Variants in EFCAB11 observed in about 807,000 individuals in gnomAD.
EFCAB11 encodes the protein EF-hand calcium binding domain 11.
EFCAB11 carries 14 observed loss-of-function variants against 23.0 expected under a neutral mutation model. The ratio of observed to expected loss-of-function variants is 0.61; its 90% CI spans 0.40 to 0.95. The LOEUF (loss-of-function observed/expected upper bound fraction) is 0.95, where lower values mean the gene tolerates loss of function less well. Ranked by LOEUF, EFCAB11 falls within the 40% of genes least tolerant of loss-of-function variation. The pLI, the probability that EFCAB11 is intolerant of heterozygous loss-of-function variation, is 0.00. For synonymous variants in EFCAB11, 65 were observed against 66.6 expected (o/e 0.98, Z 0.11); for missense variants, 198 against 195.8 (o/e 1.01, Z -0.07).
rs1887246648 is a variant in EFCAB11 at position 89,841,076 on chromosome 14, T to A, written c.411-43752A>T. Among the ~76,000 whole-genome samples, 3 of 152,298 alleles carry A rather than the reference T, an allele frequency of 2.0e-5. No homozygotes were observed. In the South Asian group the frequency reaches 6.2e-4, roughly 32 times the overall value. On this transcript the variant is annotated intron_variant, in intron 5 of 5. Coordinates refer to ENST00000316738, the MANE Select transcript of EFCAB11 (RefSeq NM_145231.4). ...CTGCCTTGTGCTTTTTCTCCTTTAA[T>A]CTAAATTCCTACTACTTTCCTCCTC...
intron 5 of EFCAB11, chr14:89,799,106 C>T (rs750613778): frequency 6.6e-6 from 1 of 152,082 alleles, no homozygotes; most frequent in Non-Finnish European, 1.5e-5. Flanking sequence ...GTATTAACTC[C>T]TAATTTTTCT....
At chr14:89,917,855 G>C (rs1889900324) in intron 5 of EFCAB11, among the ~76,000 whole-genome samples, 1 of 152,216 alleles carries the variant, frequency 6.6e-6, no homozygotes, top group Non-Finnish European at 1.5e-5. Flanking sequence ...CGTTGATGTG[G>C]AGAGTCACTG....
At chr14:89,839,904 C>T (rs1339564092) in intron 5 of EFCAB11, among the ~76,000 whole-genome samples, 1 of 152,128 alleles carries the variant, frequency 6.6e-6, no homozygotes, top group East Asian at 1.9e-4. Context: ...TAGAAACCGC[C>T]CCCATGAACC....
chr14:89,904,114 C>T (rs997578444), intron 5 of EFCAB11, among the ~76,000 whole-genome samples: 4 of 152,072 alleles, frequency 2.6e-5, no homozygotes, highest in African/African-American at 9.7e-5. Flanking sequence ...TATCCTAATG[C>T]TATCCCTCCC....
chr14:89,852,440 G>A (rs1032287919), intron 5 of EFCAB11, among the ~76,000 whole-genome samples: 6 of 152,110 alleles, frequency 3.9e-5, no homozygotes, highest in African/African-American at 7.2e-5. Context: ...CGCCTTGTTC[G>A]AGGTTATGCC....
At chr14:89,885,882 C>CT (rs149131993) in intron 5 of EFCAB11, among the ~76,000 whole-genome samples, 41,149 of 143,854 alleles carry the variant, frequency 0.29, 7,002 homozygotes, top group Non-Finnish European at 0.4. Context: ...TTGTTTTTTT[C>CT]TTTTTTTTTC....
At chr14:89,902,393 C>G (rs1889368848) in intron 5 of EFCAB11, among the ~76,000 whole-genome samples, 2 of 152,176 alleles carry the variant, frequency 1.3e-5, no homozygotes, top group African/African-American at 2.4e-5. Flanking sequence ...TATCTGTCTT[C>G]TCCCAAGGAA....
At chr14:89,929,057 A>T (rs1177577422) in intron 5 of EFCAB11, among the ~76,000 whole-genome samples, 1 of 111,472 alleles carries the variant, frequency 9.0e-6, no homozygotes, top group Non-Finnish European at 1.8e-5. Flanking sequence ...ACACACACAT[A>T]TTTTTTTTTA....
chr14:89,911,891 A>G (rs1398458505), intron 5 of EFCAB11, among the ~76,000 whole-genome samples: 1 of 152,206 alleles, frequency 6.6e-6, no homozygotes, highest in Non-Finnish European at 1.5e-5. Flanking sequence ...CACAGGGCTG[A>G]GCAATTTGCA....
At chr14:89,928,319 A>C (rs1329214054) in intron 5 of EFCAB11, among the ~76,000 whole-genome samples, 1 of 152,144 alleles carries the variant, frequency 6.6e-6, no homozygotes, top group Non-Finnish European at 1.5e-5. Context: ...ATTAATGGCA[A>C]ATAACTTTCT....
intron 5 of EFCAB11, among the ~76,000 whole-genome samples, chr14:89,852,326 T>C (rs905847443): frequency 6.6e-6 from 1 of 152,232 alleles, no homozygotes; most frequent in Non-Finnish European, 1.5e-5. Flanking sequence ...CACACTGTTG[T>C]GGATGCTGTA....
intron 5 of EFCAB11, among the ~76,000 whole-genome samples, chr14:89,826,095 A>G (rs1001370380): frequency 1.3e-5 from 2 of 152,160 alleles, no homozygotes; most frequent in African/African-American, 4.8e-5. Context: ...TCATATACAT[A>G]TATATGTAAG....
intron 2 of EFCAB11, among the ~76,000 whole-genome samples, 171 bp from the exon 3 acceptor site, chr14:89,950,313 T>C (rs1423072199): frequency 6.6e-6 from 1 of 152,172 alleles, no homozygotes; most frequent in East Asian, 1.9e-4. Flanking sequence ...TATTTTTCCA[T>C]CAACATCTAT....
intron 3 of EFCAB11, among the ~76,000 whole-genome samples, chr14:89,939,978 C>T (rs2139826215): frequency 6.6e-6 from 1 of 152,304 alleles, no homozygotes; most frequent in African/African-American, 2.4e-5. Flanking sequence ...ACCTCGTGAT[C>T]CACCTTCCTC....
intron 5 of EFCAB11, among the ~76,000 whole-genome samples, chr14:89,845,976 A>G (rs1887418726): frequency 6.6e-6 from 1 of 152,114 alleles, no homozygotes; most frequent in South Asian, 2.1e-4. Context: ...CTAGATGCAA[A>G]TTGCCCGGAT....
At chr14:89,840,220 C>T (rs1887215476) in intron 5 of EFCAB11, among the ~76,000 whole-genome samples, 1 of 152,140 alleles carries the variant, frequency 6.6e-6, no homozygotes, top group African/African-American at 2.4e-5. Context: ...AGAACAAACA[C>T]CCATGTCTTA....
At chr14:89,870,064 C>T (rs1219030819) in intron 5 of EFCAB11, among the ~76,000 whole-genome samples, 5 of 152,214 alleles carry the variant, frequency 3.3e-5, no homozygotes, top group African/African-American at 4.8e-5. Flanking sequence ...TTCTTCATTC[C>T]TCAAGAACAG....
At chr14:89,848,269 A>G (rs1183090377) in intron 5 of EFCAB11, among the ~76,000 whole-genome samples, 1 of 152,192 alleles carries the variant, frequency 6.6e-6, no homozygotes, top group African/African-American at 2.4e-5. Flanking sequence ...CTCTGACTCC[A>G]AAGTTTATGA....
intron 5 of EFCAB11, chr14:89,924,302 C>G: frequency 9.6e-7 from 1 of 1,040,190 alleles, no homozygotes; most frequent in Non-Finnish European, 1.2e-6. Context: ...TTAAACGTCT[C>G]CAGTCATGAT....
Sources: gnomAD v4.1 joint callset for allele counts (sites outside exome capture counted in the v4.1 genomes callset) on GRCh38, gnomAD v4.1.1 for gene constraint, MANE v1.5 for transcripts, NCBI Gene and HGNC (gene_info 2026-07-23, HGNC 2026-07-21) for gene names.